The following LRRFIP2 variants were observed in gnomAD, a reference collection of about 807,000 sequenced individuals.
The protein encoded by LRRFIP2 is leucine-rich repeat flightless-interacting protein 2.
Under a neutral mutation model 125.9 loss-of-function variants are expected in LRRFIP2, and 109 were observed. The observed-to-expected ratio is 0.87, with a 90% CI of 0.74 to 1.01. LRRFIP2 has a LOEUF of 1.01. LRRFIP2 is among the 50% of genes least tolerant of loss of function. The pLI, the probability that LRRFIP2 is intolerant of heterozygous loss-of-function variation, is 0.00. For missense variants in LRRFIP2, 850 were observed against 862.3 expected (o/e 0.99, Z 0.18); for synonymous variants, 291 against 293.1 (o/e 0.99, Z 0.07).
rs1167889748 is a variant in LRRFIP2 at position 37,100,409 on chromosome 3, T to TATACATATACATACATATATGTATAC, written c.873+2489_873+2514dup. ...ATACATACATACATGTGTATGTATATATACATATACATACATATATGTATA... is the reference window on the plus strand; with the variant it reads ...ATACATACATACATGTGTATGTATATATACATATACATACATATATGTATACATACATATACATACATATATGTATA... On this transcript the variant is annotated intron_variant, in intron 15 of 27. Transcript: ENST00000336686. Among the ~76,000 whole-genome samples the TATACATATACATACATATATGTATAC allele has an allele frequency of 5.3e-5, 8 of 149,934 alleles. No homozygotes were observed. The East Asian group carries it at 1.4e-3, about 25-fold the overall frequency.
intron 4 of LRRFIP2, among the ~76,000 whole-genome samples, chr3:37,124,576 G>A (rs2095201748): frequency 6.6e-6 from 1 of 152,168 alleles, no homozygotes; most frequent in Non-Finnish European, 1.5e-5. Context: ...AGATCATCTA[G>A]TCTGACCCCT....
intron 21 of LRRFIP2, among the ~76,000 whole-genome samples, chr3:37,072,276 G>A (rs1464126871): frequency 6.6e-6 from 1 of 152,064 alleles, no homozygotes; most frequent in Non-Finnish European, 1.5e-5. Context: ...CAAGGTGGGT[G>A]GATTACCTGA....
chr3:37,136,553 A>G (rs2095558420), intron 2 of LRRFIP2, among the ~76,000 whole-genome samples: 1 of 152,184 alleles, frequency 6.6e-6, no homozygotes, highest in Non-Finnish European at 1.5e-5. Flanking sequence ...AATATATAAA[A>G]TGGGATAAAG....
intron 2 of LRRFIP2, among the ~76,000 whole-genome samples, chr3:37,147,218 C>T (rs1049200291): frequency 6.6e-6 from 1 of 152,070 alleles, no homozygotes; most frequent in Admixed American, 6.5e-5. Context: ...CAGATGCTGA[C>T]GAGGCTGTGG....
rs1399323815 is a variant in LRRFIP2 at position 37,109,692 on chromosome 3, GGAA to G, written c.522_524del (p.Ser175del). On this transcript the variant is annotated inframe_deletion, in exon 10 of 28. Transcript: ENST00000336686. ...ATGTTGCCAGAGGGTCACTGTACAG[GGAA>G]GAAGACTGCTAAGAGACAAAAACAA... 1 of 1,613,834 alleles carries G rather than the reference GGAA, an allele frequency of 6.2e-7. No individual in the cohort carries two copies. The highest frequency in any genetic ancestry group is 1.1e-5 in the South Asian group (1 of 91,068).
At chr3:37,129,212 T>C in intron 2 of LRRFIP2, 63 bp from the exon 3 acceptor site, 2 of 1,454,426 alleles carry the variant, frequency 1.4e-6, no homozygotes, top group East Asian at 2.3e-5. Context: ...TACACCAGAT[T>C]TGAAAATAAA....
intron 1 of LRRFIP2, among the ~76,000 whole-genome samples, chr3:37,157,596 G>C (rs541694791): frequency 6.6e-6 from 1 of 152,202 alleles, no homozygotes; most frequent in African/African-American, 2.4e-5. Flanking sequence ...TACAGTTAAA[G>C]ACATCAATCC....
chr3:37,088,397 C>T lies in LRRFIP2; in HGVS notation c.1107+3070G>A, dbSNP rs77987582. Among the ~76,000 whole-genome samples, 1,381 of 152,092 alleles carry T rather than the reference C, an allele frequency of 9.1e-3. 23 individuals carry two copies. The highest frequency in any genetic ancestry group is 0.032 in the African/African-American group (1,318 of 41,486). On this transcript the variant is annotated intron_variant, in intron 18 of 27. Transcript: ENST00000336686. ...GGGCAATATTTAAAAAGAACATTGGCCAGGCATGGTGGCTCACACCTGTAA... is the reference window on the plus strand; with the variant it reads ...GGGCAATATTTAAAAAGAACATTGGTCAGGCATGGTGGCTCACACCTGTAA...
intron 20 of LRRFIP2, among the ~76,000 whole-genome samples, chr3:37,073,197 A>G (rs2091535720): frequency 6.6e-6 from 1 of 152,230 alleles, no homozygotes; most frequent in African/African-American, 2.4e-5. Context: ...TCTTTCTTTG[A>G]TAACTGCCTT....
At chr3:37,114,094 T>C (rs1461133688) in intron 7 of LRRFIP2, among the ~76,000 whole-genome samples, 1 of 141,710 alleles carries the variant, frequency 7.1e-6, no homozygotes, top group African/African-American at 2.6e-5. Context: ...CAATCAATGA[T>C]TAAAAACTCA....
intron 2 of LRRFIP2, among the ~76,000 whole-genome samples, chr3:37,145,037 G>A (rs1296762412): frequency 2.0e-5 from 3 of 152,144 alleles, no homozygotes; most frequent in Non-Finnish European, 2.9e-5. Context: ...TATTTACTGT[G>A]TTGCCATGGT....
chr3:37,054,064 G>T (rs1418012844), intron 27 of LRRFIP2, 103 bp from the exon 28 acceptor site: 15 of 766,820 alleles, frequency 2.0e-5, no homozygotes, highest in Non-Finnish European at 9.4e-6. Flanking sequence ...TAACTGTGAT[G>T]GCCTTGCACA....
Position 37,135,109 on chromosome 3 carries a change from T to C in LRRFIP2, c.91-5960A>G. ...GACTCAGAAGAATGCCATATGATGC[T>C]ACCTTAAAGTCAGAATAACCTGCAT... On this transcript the variant is annotated intron_variant, in intron 2 of 27. Transcript: ENST00000336686. 6.2e-6 allele frequency: 8 copies of C among 1,300,054 alleles called. No individual in the cohort carries two copies. In the South Asian group the frequency reaches 8.3e-5, roughly 13 times the overall value. 80.5% of individuals were successfully genotyped at this position (1,300,054 alleles called of 1,614,324 possible). A position where few individuals can be genotyped will look rare whatever the true frequency, so the allele number is the denominator to read the frequency against.
In LRRFIP2 at chr3:37,072,790, C is replaced by T. The variant is rs1486917340; in HGVS notation, c.1464G>A (p.Gly488=). 2 of 1,602,870 alleles carry T rather than the reference C, an allele frequency of 1.2e-6. No homozygotes were observed. Among genetic ancestry groups the T allele is most frequent in the African/African-American group, 2.7e-5 (2 of 74,534 alleles). Residue 488 remains glycine, a splice_region_variant and synonymous_variant, in exon 21 of 28, where the codon GGG becomes GGA. Transcript: ENST00000336686. ...ACCAAAGCCCAATTTCATTTCATAC[C>T]CCAATTTTTTTATCTTTCCAAAGAA... ...ETLLWKDKKI[G]ALEKQKEYIA...
intron 4 of LRRFIP2, among the ~76,000 whole-genome samples, chr3:37,122,093 A>AG (rs2095077695): frequency 9.4e-6 from 1 of 106,476 alleles, no homozygotes; most frequent in Non-Finnish European, 1.7e-5. Context: ...AACAAGCCCT[A>AG]TGTGTGATGT....
At chr3:37,155,348 C>T (rs2096154157) in intron 1 of LRRFIP2, among the ~76,000 whole-genome samples, 1 of 152,060 alleles carries the variant, frequency 6.6e-6, no homozygotes, top group Non-Finnish European at 1.5e-5. Context: ...TTTAACTAAA[C>T]AAAAATATCC....
At chr3:37,127,863 T>C (rs1037166293) in intron 3 of LRRFIP2, among the ~76,000 whole-genome samples, 183 bp from the exon 4 acceptor site, 1 of 152,232 alleles carries the variant, frequency 6.6e-6, no homozygotes, top group Non-Finnish European at 1.5e-5. Flanking sequence ...TGTTTCCCTG[T>C]AGTTCAGAGA....
rs1427289128 is a variant in LRRFIP2 at position 37,065,917 on chromosome 3, T to C, written c.1592A>G (p.Asp531Gly). The C allele has an allele frequency of 1.2e-6, 2 of 1,614,058 alleles. No individual in the cohort carries two copies. Among genetic ancestry groups the C allele is most frequent in the Admixed American group, 1.7e-5 (1 of 60,014 alleles). Residue 531 changes from aspartate to glycine, a missense_variant, in exon 23 of 28, where the codon GAT becomes GGT. By Grantham distance (94) the Asp-to-Gly change is moderately conservative. Transcript: ENST00000336686. ...ACTGACATCACCATTGGGAGTGCCA[T>C]CGGGGATTATAACTAAGCCATGTTT... ...GEKHGLVIIP[D>G]GTPNGDVSHE...
intron 2 of LRRFIP2, among the ~76,000 whole-genome samples, chr3:37,146,889 T>C (rs1015246021): frequency 6.6e-6 from 1 of 152,094 alleles, no homozygotes; most frequent in Non-Finnish European, 1.5e-5. Context: ...CTAAAGAGCT[T>C]CTGTAAGGCA....
Sources: allele counts gnomAD v4.1 joint callset (sites outside exome capture counted in the v4.1 genomes callset), GRCh38; gene constraint gnomAD v4.1.1; transcripts MANE v1.5; gene names NCBI Gene and HGNC (gene_info 2026-07-23, HGNC 2026-07-21).